Variants in MARCHF9 observed in about 807,000 individuals in gnomAD.
MARCHF9 encodes the protein membrane associated ring-CH-type finger 9, also known as E3 ubiquitin-protein ligase MARCHF9.
Under a neutral mutation model 35.2 loss-of-function variants are expected in MARCHF9, and 17 were observed. The observed-to-expected ratio is 0.48, with a 90% confidence interval of 0.33 to 0.72. MARCHF9 has a LOEUF of 0.72. Ranked by LOEUF, MARCHF9 falls within the 30% of genes least tolerant of loss-of-function variation. The probability of loss-of-function intolerance (pLI) is 0.02; values close to 1 mark genes in which losing one functional copy is unlikely to be tolerated. For missense variants in MARCHF9, 386 were observed against 478.2 expected, an observed-to-expected ratio of 0.81 and a Z score of 1.80; for synonymous variants, 183 against 207.4, an observed-to-expected ratio of 0.88 and a Z score of 1.01.
rs999550514 is a variant in MARCHF9 at position 57,759,152 on chromosome 12, G to A, written c.*255G>A. On this transcript the variant is annotated 3_prime_UTR_variant, in exon 4 of 4. Transcript: ENST00000266643. ...GACGGCCGGTGGGCAGGCGGGGAGAGCAGCTTTCCTTCCCTGGAGAGAACC... is the reference window on the plus strand; with the variant it reads ...GACGGCCGGTGGGCAGGCGGGGAGAACAGCTTTCCTTCCCTGGAGAGAACC... The A allele has an allele frequency of 4.3e-6, 2 of 462,808 alleles. No individual in the cohort carries two copies. The allele number at this position is 462,808 out of a possible 1,614,324, so 28.7% of individuals were successfully genotyped here. A position where few individuals can be genotyped will look rare whatever the true frequency, so the allele number is the denominator to read the frequency against.
rs748996316 is a variant in MARCHF9 at position 57,758,780 on chromosome 12, C to T, written c.924C>T (p.Leu308=). Residue 308 remains leucine (L), a synonymous_variant, in exon 4 of 4, where the codon CTC becomes CTT. Transcript: ENST00000266643. The surrounding 1 kb of genome is among the most constrained non-coding windows in gnomAD (Gnocchi z 5.4). ...RPPAAQRMRT[L]LPQRCGYTIL... ...CAGCTGCCCAGCGCATGCGGACGCT[C>T]TTGCCTCAGCGCTGCGGTTATACAA... The T allele has an allele frequency of 1.2e-5, 19 of 1,613,286 alleles. No individual in the cohort carries two copies. Among genetic ancestry groups the T allele is most frequent in the South Asian group, 9.9e-5 (9 of 91,030 alleles).
At position 57,755,888 on chromosome 12, in the gene MARCHF9, C is replaced by A; in HGVS notation, c.357+3C>A. The A allele has an allele frequency of 1.3e-6, 2 of 1,500,460 alleles. No individual in the cohort carries two copies. The highest frequency in any genetic ancestry group is 2.7e-5 in the East Asian group (1 of 36,734). The allele number at this position is 1,500,460 out of a possible 1,614,324, so 92.9% of individuals were successfully genotyped here. On this transcript the variant is annotated splice_donor_region_variant and intron_variant, in intron 1 of 3. Coordinates refer to ENST00000266643, the MANE Select transcript of MARCHF9 (RefSeq NM_138396.6). ...TCTGCTTCCAGGGCCCGGAGCAGGT[C>A]AGGCCTGGGCACCTGGCCGGGCGCG...
chr12:57,758,719 G>A lies in MARCHF9; in HGVS notation c.863G>A (p.Arg288Gln), dbSNP rs758822009. The A allele has an allele frequency of 2.1e-5, 34 of 1,610,120 alleles. No individual in the cohort carries two copies. The highest frequency in any genetic ancestry group is 2.5e-5 in the Non-Finnish European group (30 of 1,178,430). ...TAGKSGPRNSRTGPTSGATSR... is the reference protein window; with the variant it reads ...TAGKSGPRNSQTGPTSGATSR... ...GGGAAGTCAGGCCCCAGGAACTCACGGACGGGCCCCACCTCTGGGGCCACG... is the reference window on the plus strand; with the variant it reads ...GGGAAGTCAGGCCCCAGGAACTCACAGACGGGCCCCACCTCTGGGGCCACG... The change falls in exon 4 of 4, where the codon CGG (arginine) becomes CAG (glutamine). Residue 288 changes from arginine to glutamine, a missense_variant. Physicochemically the swap from Arg to Gln is conservative, Grantham distance 43. Transcript: ENST00000266643. The surrounding 1 kb of genome is among the most constrained non-coding windows in gnomAD (Gnocchi z 5.4).
chr12:57,757,335 C>CAAA, intron 2 of MARCHF9: 1 of 322,962 alleles, frequency 3.1e-6, no homozygotes, highest in Non-Finnish European at 5.5e-6. Flanking sequence ...CCACCCGCCA[C>CAAA]AAAAAAAAAG....
intron 2 of MARCHF9, 152 bp from the exon 3 acceptor site, chr12:57,757,956 T>C: frequency 1.2e-6 from 1 of 804,332 alleles, no homozygotes; most frequent in South Asian, 1.4e-5. Flanking sequence ...AAGTGCCACA[T>C]TCTAGATTTA....
At chr12:57,757,344 A>G (rs186292838) in intron 2 of MARCHF9, 10 of 331,796 alleles carry the variant, frequency 3.0e-5, no homozygotes, top group Middle Eastern at 8.1e-4. Flanking sequence ...ACAAAAAAAA[A>G]GAAAAAAGAA....
rs1231527071 is a variant in MARCHF9 at position 57,758,000 on chromosome 12, C to G, written c.514-108C>G. 4.7e-5 allele frequency: 52 copies of G among 1,098,996 alleles called. No homozygotes were observed. In the Admixed American group the frequency reaches 9.0e-4, roughly 19 times the overall value. The allele number at this position is 1,098,996 out of a possible 1,614,324, so 68.1% of individuals were successfully genotyped here. On this transcript the variant is annotated intron_variant, in intron 2 of 3. Transcript: ENST00000266643. ...ACAGAGAAGACAGATGTTGATCCTG[C>G]CTGAAGGTTTTAGGGAAGGTTCCTG... is the stretch of plus-strand genomic sequence containing the variant.
In MARCHF9 at chr12:57,757,035, G is replaced by A; in HGVS notation, c.464G>A (p.Cys155Tyr). ...SERGSWSCEL[C>Y]YFKYQVLAIS... ...AGGGGCTCCTGGAGCTGTGAGCTCT[G>A]CTACTTCAAGTACCAGGTCCTGGCG... Residue 155 changes from cysteine to tyrosine, a missense_variant, in exon 2 of 4, where the codon TGC becomes TAC. Around this residue, in one of 3 missense-constraint regions of MARCHF9, gnomAD observed 219 missense variants for 316.2 expected, o/e 0.69. Coordinates refer to ENST00000266643, the MANE Select transcript of MARCHF9 (RefSeq NM_138396.6). 6.4e-7 allele frequency: 1 copy of A among 1,561,626 alleles called. No homozygotes were observed. Among genetic ancestry groups the A allele is most frequent in the Non-Finnish European group, 8.7e-7 (1 of 1,152,168 alleles).
Position 57,758,687 on chromosome 12 carries a change from G to T in MARCHF9, c.831G>T (p.Gly277=), listed in dbSNP as rs752714369. 3.1e-6 allele frequency: 5 copies of T among 1,612,988 alleles called. No individual in the cohort carries two copies. The East Asian group carries it at 8.9e-5, about 29-fold the overall frequency. ...ACATAGGAGGAGATGCAGGGGGAGG[G>T]ACGGCAGGGAAGTCAGGCCCCAGGA... is the stretch of plus-strand genomic sequence containing the variant. ...TKDIGGDAGG[G]TAGKSGPRNS... Residue 277 remains glycine (G), a synonymous_variant, in exon 4 of 4, where the codon GGG becomes GGT. Coordinates refer to ENST00000266643, the MANE Select transcript of MARCHF9 (RefSeq NM_138396.6). The surrounding 1 kb of genome is among the most constrained non-coding windows in gnomAD (Gnocchi z 5.4).
rs768866705 is a variant in MARCHF9 at position 57,758,795 on chromosome 12, C to T, written c.939C>T (p.Cys313=). 8.1e-6 allele frequency: 13 copies of T among 1,613,318 alleles called. No individual in the cohort carries two copies. In the Admixed American group the frequency reaches 1.2e-4, roughly 14 times the overall value. The change falls in exon 4 of 4, where the codon TGC becomes TGT. Residue 313 remains cysteine (C), a synonymous_variant. Transcript: ENST00000266643. The surrounding 1 kb of genome is among the most constrained non-coding windows in gnomAD (Gnocchi z 5.4). The stretch of plus-strand genomic sequence containing the variant: ...TGCGGACGCTCTTGCCTCAGCGCTG[C>T]GGTTATACAATCTTGCACCTCCTTG... The part of the protein sequence containing the change: ...QRMRTLLPQR[C]GYTILHLLGQ...
intron 2 of MARCHF9, 158 bp downstream of exon 2, chr12:57,757,242 C>A: frequency 2.7e-6 from 2 of 736,174 alleles, no homozygotes; most frequent in South Asian, 2.7e-5. Flanking sequence ...CCTTCCTAAG[C>A]CCTTAATTTA....
In MARCHF9 at chr12:57,758,198, C is replaced by A. The variant is rs761686556; in HGVS notation, c.604C>A (p.Leu202Ile). ...SLFLVASISWLIWSSLSPSAK... is the reference protein window; with the variant it reads ...SLFLVASISWIIWSSLSPSAK... ...CTTCCTGGTTGCCAGCATCTCCTGG[C>A]TCATCTGGTCCTCACTCAGCCCTTC... The change falls in exon 3 of 4, where the codon CTC becomes ATC. Residue 202 changes from leucine to isoleucine, a missense_variant. Leu to Ile is a conservative substitution (Grantham distance 5). Coordinates refer to ENST00000266643, the MANE Select transcript of MARCHF9 (RefSeq NM_138396.6). This position sits in a 1 kb window ranked among gnomAD's most constrained non-coding sequence, Gnocchi z 5.4. 13 of 1,614,110 alleles carry A rather than the reference C, an allele frequency of 8.1e-6. No individual in the cohort carries two copies. Among genetic ancestry groups the A allele is most frequent in the Non-Finnish European group, 1.0e-5 (12 of 1,180,050 alleles).
intron 2 of MARCHF9, chr12:57,757,882 A>T: frequency 1.6e-6 from 1 of 630,380 alleles, no homozygotes; most frequent in Non-Finnish European, 2.9e-6. Flanking sequence ...TCAAATCTAG[A>T]TGTTTTGGTT....
chr12:57,757,676 A>G (rs997503527), intron 2 of MARCHF9: 20 of 433,258 alleles, frequency 4.6e-5, no homozygotes, highest in Non-Finnish European at 6.5e-5. Flanking sequence ...GAAAAGAAAA[A>G]ATGATGTTGA....
chr12:57,758,692 C>G lies in MARCHF9; in HGVS notation c.836C>G (p.Ala279Gly). The change falls in exon 4 of 4, where the codon GCA (alanine) becomes GGA (glycine). Residue 279 changes from alanine to glycine, a missense_variant. Transcript: ENST00000266643. The surrounding 1 kb of genome is among the most constrained non-coding windows in gnomAD (Gnocchi z 5.4). ...DIGGDAGGGT[A>G]GKSGPRNSRT... ...GGAGGAGATGCAGGGGGAGGGACGG[C>G]AGGGAAGTCAGGCCCCAGGAACTCA... 6.2e-7 allele frequency: 1 copy of G among 1,612,362 alleles called. No homozygotes were observed. Among genetic ancestry groups the G allele is most frequent in the South Asian group, 1.1e-5 (1 of 90,786 alleles).
rs1398863534 is a variant in MARCHF9 at position 57,755,855 on chromosome 12, G to A, written c.327G>A (p.Gln109=). ...TGGACAGCGGACTCCGAACCCCTCA[G>A]TGCCGGATCTGCTTCCAGGGCCCGG... ...SSLDSGLRTP[Q]CRICFQGPEQ... Residue 109 remains glutamine (Q), a synonymous_variant, in exon 1 of 4, where the codon CAG becomes CAA. Transcript: ENST00000266643. The A allele has an allele frequency of 2.0e-6, 3 of 1,529,216 alleles. No homozygotes were observed. In the South Asian group the frequency reaches 3.5e-5, roughly 18 times the overall value. The allele number at this position is 1,529,216 out of a possible 1,614,324, so 94.7% of individuals were successfully genotyped here.
chr12:57,757,559 A>G (rs1472578594), intron 2 of MARCHF9: 1 of 199,346 alleles, frequency 5.0e-6, no homozygotes, highest in Admixed American at 5.5e-5. Context: ...AGGCGGGAGA[A>G]TCCTTGAACC....
At chr12:57,757,920 C>G (rs1383135286) in intron 2 of MARCHF9, 188 bp from the exon 3 acceptor site, 1 of 704,656 alleles carries the variant, frequency 1.4e-6, no homozygotes, top group South Asian at 1.5e-5. Flanking sequence ...TCCTGCCTTT[C>G]TAAAGTAAGA....
In MARCHF9 at chr12:57,755,894, TG is replaced by T; in HGVS notation, c.357+12del. ...TCCAGGGCCCGGAGCAGGTCAGGCC[TG>T]GGCACCTGGCCGGGCGCGGAGGGTG... On this transcript the variant is annotated intron_variant, in intron 1 of 3. Coordinates refer to ENST00000266643, the MANE Select transcript of MARCHF9 (RefSeq NM_138396.6). 1.4e-6 allele frequency: 2 copies of T among 1,477,568 alleles called. No individual in the cohort carries two copies. The highest frequency in any genetic ancestry group is 2.4e-5 in the Admixed American group (1 of 41,774). The allele number at this position is 1,477,568 out of a possible 1,614,324, so 91.5% of individuals were successfully genotyped here. A position where few individuals can be genotyped will look rare whatever the true frequency, so the allele number is the denominator to read the frequency against.
Sources: gnomAD v4.1 joint callset for allele counts on GRCh38, gnomAD v4.1.1 for gene constraint, gnomAD v4.1.1 regional missense constraint, Gnocchi (gnomAD v3.1) non-coding constraint, MANE v1.5 for transcripts, NCBI Gene and HGNC (gene_info 2026-07-23, HGNC 2026-07-21) for gene names.